The following IL1RAPL2 variants were observed in gnomAD, a reference collection of about 807,000 sequenced individuals.
IL1RAPL2 encodes interleukin 1 receptor accessory protein like 2.
A neutral mutation model predicts 44.1 loss-of-function variants in IL1RAPL2; 3 were observed. The observed-to-expected ratio is 0.07, with a 90% CI of 0.03 to 0.18. The LOEUF (loss-of-function observed/expected upper bound fraction) is 0.18, where lower values mean the gene tolerates loss of function less well. Among genes scored for constraint, IL1RAPL2 ranks in the 10% least tolerant of loss-of-function variants. IL1RAPL2 has a pLI of 1.00. For missense variants in IL1RAPL2, 391 were observed against 496.4 expected, an observed-to-expected ratio of 0.79 and a Z score of 2.02; for synonymous variants, 181 against 178.8, an observed-to-expected ratio of 1.01 and a Z score of -0.10.
chrX:105,624,183 A>G (rs2037438408), intron 6 of IL1RAPL2, among the ~76,000 whole-genome samples: 1 of 111,457 alleles, frequency 9.0e-6, no homozygotes, highest in Non-Finnish European at 1.9e-5. Context: ...GGGGAACCAG[A>G]ATGACTCTAA....
At chrX:105,622,278 AAATAATAATAATAAT>A (rs374952697) in intron 6 of IL1RAPL2, among the ~76,000 whole-genome samples, 3 of 99,394 alleles carry the variant, frequency 3.0e-5, no homozygotes, top group Admixed American at 2.2e-4. Context: ...AAGTCAATAA[AAATAATAATAATAAT>A]AATAATAATA....
At chrX:105,626,235 G>A (rs2037451970) in intron 6 of IL1RAPL2, among the ~76,000 whole-genome samples, 2 of 111,790 alleles carry the variant, frequency 1.8e-5, no homozygotes, top group African/African-American at 6.5e-5. Context: ...AATTTTTGAG[G>A]TGCACACACA....
At chrX:105,322,560 C>T (rs1803687551) in intron 5 of IL1RAPL2, among the ~76,000 whole-genome samples, 1 of 111,690 alleles carries the variant, frequency 9.0e-6, no homozygotes, top group Admixed American at 9.6e-5. Flanking sequence ...TTCTCAACTC[C>T]TAGAGGATGC....
intron 2 of IL1RAPL2, among the ~76,000 whole-genome samples, chrX:104,708,998 G>T (rs943255870): frequency 1.8e-5 from 2 of 111,292 alleles, no homozygotes; most frequent in African/African-American, 6.5e-5. Context: ...ATTGGTTTTG[G>T]ATAATCTGCC....
chrX:104,731,315 A>G (rs919024008), intron 2 of IL1RAPL2, among the ~76,000 whole-genome samples: 1 of 109,857 alleles, frequency 9.1e-6, no homozygotes, highest in East Asian at 2.9e-4. Flanking sequence ...CTGAATGGTA[A>G]TGCCTAGGTT....
At chrX:104,661,965 A>C (rs190549650) in intron 2 of IL1RAPL2, among the ~76,000 whole-genome samples, 226 of 112,260 alleles carry the variant, frequency 2.0e-3, no homozygotes, top group African/African-American at 7.0e-3. Context: ...TATGCAGTTC[A>C]TTGTAGACAC....
chrX:105,686,533 T>C (rs1423826152), intron 6 of IL1RAPL2, among the ~76,000 whole-genome samples: 3 of 110,557 alleles, frequency 2.7e-5, no homozygotes, highest in African/African-American at 9.9e-5. Flanking sequence ...ATCCTAAATA[T>C]ATATATGCAC....
intron 6 of IL1RAPL2, among the ~76,000 whole-genome samples, chrX:105,535,163 A>G (rs766917688): frequency 4.5e-5 from 5 of 112,057 alleles, no homozygotes; most frequent in Non-Finnish European, 7.5e-5. Flanking sequence ...ATTCAACAAT[A>G]AGAAAACGAC....
chrX:104,894,708 T>C (rs1247993469), intron 2 of IL1RAPL2, among the ~76,000 whole-genome samples: 1 of 112,091 alleles, frequency 8.9e-6, no homozygotes. Flanking sequence ...TCCAGGTTTT[T>C]AGCTTCTTTG....
At chrX:104,749,912 A>G (rs1031642889) in intron 2 of IL1RAPL2, among the ~76,000 whole-genome samples, 3 of 112,114 alleles carry the variant, frequency 2.7e-5, no homozygotes, top group East Asian at 5.6e-4. Flanking sequence ...GCCTTGGGAC[A>G]TACAACCATT....
intron 2 of IL1RAPL2, among the ~76,000 whole-genome samples, chrX:105,160,494 T>G (rs1050558198): frequency 5.4e-5 from 6 of 111,573 alleles, no homozygotes; most frequent in African/African-American, 9.8e-5. Flanking sequence ...GTAATATATA[T>G]TTTATTGTGC....
intron 1 of IL1RAPL2, among the ~76,000 whole-genome samples, chrX:104,613,647 T>A (rs1193520064): frequency 1.8e-5 from 2 of 110,556 alleles, no homozygotes; most frequent in East Asian, 5.7e-4. Flanking sequence ...TGTTGTGCCT[T>A]TGCCAGATTT....
intron 9 of IL1RAPL2, among the ~76,000 whole-genome samples, chrX:105,754,602 C>G (rs1015914832): frequency 2.7e-5 from 3 of 112,299 alleles, no homozygotes; most frequent in African/African-American, 9.7e-5. Context: ...GTATAAAACC[C>G]AGCTGCTGTC....
At chrX:104,739,676 C>T (rs756419110) in intron 2 of IL1RAPL2, among the ~76,000 whole-genome samples, 36 of 111,863 alleles carry the variant, frequency 3.2e-4, no homozygotes, top group Non-Finnish European at 5.1e-4. Flanking sequence ...AAGAAAGAAT[C>T]GTGTGAAGTT....
chrX:104,805,390 A>AGACT (rs1932915315), intron 2 of IL1RAPL2, among the ~76,000 whole-genome samples: 1 of 112,346 alleles, frequency 8.9e-6, no homozygotes, highest in East Asian at 2.8e-4. Context: ...TTCCTCTACC[A>AGACT]GACTGAGACC....
intron 6 of IL1RAPL2, among the ~76,000 whole-genome samples, chrX:105,504,458 A>G (rs2147783461): frequency 8.9e-6 from 1 of 111,878 alleles, no homozygotes; most frequent in East Asian, 2.8e-4. Flanking sequence ...TCATCTGGAC[A>G]ATTCTGAGAT....
At chrX:105,510,952 C>T (rs2036465465) in intron 6 of IL1RAPL2, among the ~76,000 whole-genome samples, 1 of 111,823 alleles carries the variant, frequency 8.9e-6, no homozygotes, top group Admixed American at 9.5e-5. Context: ...AACTAATAGA[C>T]TTCATCTTAT....
chrX:105,016,380 T>C (rs187959719), intron 2 of IL1RAPL2, among the ~76,000 whole-genome samples: 3 of 111,410 alleles, frequency 2.7e-5, no homozygotes, highest in Admixed American at 9.6e-5. Context: ...GAGGGCATCC[T>C]TGCCTTCTGC....
intron 2 of IL1RAPL2, among the ~76,000 whole-genome samples, chrX:104,775,886 T>C (rs1158344010): frequency 9.5e-6 from 1 of 105,644 alleles, no homozygotes; most frequent in Non-Finnish European, 1.9e-5. Context: ...AGAGGGTAAG[T>C]GGGGTGGGAA....
Sources: allele counts gnomAD v4.1 joint callset (sites outside exome capture counted in the v4.1 genomes callset), GRCh38; gene constraint gnomAD v4.1.1; transcripts MANE v1.5; gene names NCBI Gene and HGNC (gene_info 2026-07-23, HGNC 2026-07-21).